The following PRTG variants were observed in gnomAD, a reference collection of about 807,000 sequenced individuals.
PRTG encodes the protein protogenin.
PRTG carries 67 observed loss-of-function variants against 122.5 expected under a neutral mutation model. The ratio of observed to expected loss-of-function variants is 0.55; its 90% CI spans 0.45 to 0.67. The LOEUF is 0.67. Ranked by LOEUF, PRTG falls within the 30% of genes least tolerant of loss-of-function variation. The pLI is 0.00. For synonymous variants in PRTG, 554 were observed against 501.1 expected (o/e 1.11, Z -1.41); for missense variants, 1,435 against 1,415.4 (o/e 1.01, Z -0.22).
At chr15:55,737,172 T>C (rs548894030) in intron 2 of PRTG, among the ~76,000 whole-genome samples, 1 of 152,310 alleles carries the variant, frequency 6.6e-6, no homozygotes, top group East Asian at 1.9e-4. Context: ...TTATAGGAAA[T>C]GGTTTAATCT....
rs541992748 is a variant in PRTG at position 55,674,137 on chromosome 15, T to C, written c.1547-461A>G. On this transcript the variant is annotated intron_variant, in intron 9 of 19. Coordinates refer to ENST00000389286, the MANE Select transcript of PRTG (RefSeq NM_173814.6). ...ATTTTGTATTCCTAATTACAACATA[T>C]GTTGTTTAATATAAAAACAGTTTTT... 5.9e-5 allele frequency among the ~76,000 whole-genome samples: 9 copies of C among 152,348 alleles called. 1 individual carries two copies. The highest frequency in any genetic ancestry group is 2.2e-4 in the African/African-American group (9 of 41,580).
chr15:55,742,952 T>C lies in PRTG; in HGVS notation c.-21A>G, dbSNP rs560677865. ...GCCATTCAGCGTAGCCGCGCGGGCATGCTCCCCGGCCGCCCAGAGCCCCTG... is the reference window on the plus strand; with the variant it reads ...GCCATTCAGCGTAGCCGCGCGGGCACGCTCCCCGGCCGCCCAGAGCCCCTG... On this transcript the variant is annotated 5_prime_UTR_variant, in exon 1 of 20. The change abolishes an upstream ATG in the 5' untranslated region. Coordinates refer to ENST00000389286, the MANE Select transcript of PRTG (RefSeq NM_173814.6). The C allele has an allele frequency of 4.0e-6, 6 of 1,497,492 alleles. No homozygotes were observed. The South Asian group carries it at 6.3e-5, about 16-fold the overall frequency. 92.8% of individuals were successfully genotyped at this position (1,497,492 alleles called of 1,614,324 possible).
chr15:55,648,379 T>A (rs968106829), intron 11 of PRTG, among the ~76,000 whole-genome samples: 3 of 152,248 alleles, frequency 2.0e-5, no homozygotes, highest in Non-Finnish European at 2.9e-5. Flanking sequence ...ACAACTTGCT[T>A]AATTCCATTC....
At position 55,639,842 on chromosome 15, in the gene PRTG, C is replaced by A. The variant is rs373384498; in HGVS notation, c.2138-14G>T. ...GATCACGAACAGCTATTGAGAAAAA[C>A]AATGTTAATTTACGATACGACATAA... On this transcript the variant is annotated splice_polypyrimidine_tract_variant and intron_variant, in intron 12 of 19. Transcript: ENST00000389286. 67 of 1,612,430 alleles carry A rather than the reference C, an allele frequency of 4.2e-5. No homozygotes were observed. Among genetic ancestry groups the A allele is most frequent in the Non-Finnish European group, 5.3e-5 (62 of 1,179,146 alleles).
rs2059424692 is a variant in PRTG, at chr15:55,664,118, T to C, written c.2041+8327A>G. Among the ~76,000 whole-genome samples the C allele has an allele frequency of 3.9e-5, 6 of 152,188 alleles. No individual in the cohort carries two copies. The South Asian group carries it at 1.2e-3, about 32-fold the overall frequency. On this transcript the variant is annotated intron_variant, in intron 11 of 19. Transcript: ENST00000389286. ...ATTTGTGTACAGTTTTTTTGTCTTG[T>C]TTTGTTTTGGCGGGGTGGGAGGTGT...
At chr15:55,674,922 C>A (rs764932559) in intron 9 of PRTG, among the ~76,000 whole-genome samples, 1 of 152,054 alleles carries the variant, frequency 6.6e-6, no homozygotes, top group Non-Finnish European at 1.5e-5. Context: ...ATAATCAGTT[C>A]TCTCGGGCTA....
At chr15:55,697,436 A>G (rs1405817781) in intron 2 of PRTG, among the ~76,000 whole-genome samples, 2 of 152,212 alleles carry the variant, frequency 1.3e-5, no homozygotes, top group Admixed American at 1.3e-4. Context: ...TTTGCCTCTT[A>G]TCTCCCTCAG....
At position 55,682,544 on chromosome 15, in the gene PRTG, TTTTA is replaced by T. The variant is rs56167837; in HGVS notation, c.543-51_543-48del. 269 of 479,264 alleles carry T rather than the reference TTTTA, an allele frequency of 5.6e-4. 1 individual carries two copies. Among genetic ancestry groups the T allele is most frequent in the East Asian group, 3.2e-3 (67 of 21,128 alleles). 29.7% of individuals were successfully genotyped at this position (479,264 alleles called of 1,614,324 possible). ...TAAACTTTTTGTAGTAGATTTCATA[TTTTA>T]TTTATTTATTTATTTATTTATTTAT... On this transcript the variant is annotated intron_variant, in intron 3 of 19. Transcript: ENST00000389286.
chr15:55,693,667 T>C (rs1469801310), intron 2 of PRTG, among the ~76,000 whole-genome samples: 1 of 152,184 alleles, frequency 6.6e-6, no homozygotes, highest in African/African-American at 2.4e-5. Context: ...CTGGAGATGT[T>C]ACTCAATCTC....
chr15:55,679,041 CT>C (rs2059521080), intron 7 of PRTG, among the ~76,000 whole-genome samples: 1 of 152,156 alleles, frequency 6.6e-6, no homozygotes, highest in Admixed American at 6.5e-5. Context: ...GTTTGGGGAA[CT>C]GTGTAACATG....
In PRTG at chr15:55,620,310, C is replaced by A; in HGVS notation, c.3199-44G>T. Reference sequence around the variant, plus strand: ...GATGGCAATGAGATACCAGACTGATCGAATCCACGAGCAAAAGCTCATCAG... The same window carrying A: ...GATGGCAATGAGATACCAGACTGATAGAATCCACGAGCAAAAGCTCATCAG... On this transcript the variant is annotated intron_variant, in intron 19 of 19. Coordinates refer to ENST00000389286, the MANE Select transcript of PRTG (RefSeq NM_173814.6). The A allele has an allele frequency of 3.1e-6, 5 of 1,594,630 alleles. No individual in the cohort carries two copies. In the South Asian group the frequency reaches 4.6e-5, roughly 15 times the overall value.
intron 11 of PRTG, chr15:55,656,447 A>G (rs2059380704): frequency 3.8e-5 from 16 of 426,132 alleles, no homozygotes; most frequent in South Asian, 7.0e-5. Context: ...ATAATCTATA[A>G]TCTGTTAGGT....
At chr15:55,735,323 T>C (rs1276067237) in intron 2 of PRTG, among the ~76,000 whole-genome samples, 3 of 152,176 alleles carry the variant, frequency 2.0e-5, no homozygotes, top group Admixed American at 6.5e-5. Flanking sequence ...TCATGAGAGA[T>C]AAAAATCATC....
chr15:55,738,512 A>T lies in PRTG; in HGVS notation c.397+1870T>A, dbSNP rs1344649899. The T allele has an allele frequency of 1.4e-5, 10 of 701,392 alleles. No homozygotes were observed. In the African/African-American group the frequency reaches 1.6e-4, roughly 11 times the overall value. The allele number at this position is 701,392 out of a possible 1,614,324, so 43.4% of individuals were successfully genotyped here. On this transcript the variant is annotated intron_variant, in intron 2 of 19. Coordinates refer to ENST00000389286, the MANE Select transcript of PRTG (RefSeq NM_173814.6). ...GTACTCCCTATCCCTGAAAGATAAGATAAGTTACAGTTCCTGAAGATGAAA... is the reference window on the plus strand; with the variant it reads ...GTACTCCCTATCCCTGAAAGATAAGTTAAGTTACAGTTCCTGAAGATGAAA...
chr15:55,647,723 CTT>C (rs1204242942), intron 11 of PRTG, among the ~76,000 whole-genome samples: 1 of 152,194 alleles, frequency 6.6e-6, no homozygotes. Context: ...ATATGGCAAA[CTT>C]AACACATTTT....
chr15:55,683,999 T>G lies in PRTG; in HGVS notation c.398-68A>C, dbSNP rs2059556488. 10 of 1,309,076 alleles carry G rather than the reference T, an allele frequency of 7.6e-6. No individual in the cohort carries two copies. The South Asian group carries it at 1.2e-4, about 16-fold the overall frequency. The allele number at this position is 1,309,076 out of a possible 1,614,324, so 81.1% of individuals were successfully genotyped here. ...ATAACACTTAGAAGTAACATTACAC[T>G]AGATATTACTTATTGGACTTGAACC... On this transcript the variant is annotated intron_variant, in intron 2 of 19. Transcript: ENST00000389286.
At chr15:55,680,355 C>T (rs149036553) in intron 5 of PRTG, 136 bp downstream of exon 5, 54 of 1,171,880 alleles carry the variant, frequency 4.6e-5, no homozygotes, top group South Asian at 7.7e-5. Context: ...TCTCTACTCA[C>T]TGAAATGCCA....
chr15:55,649,342 T>C (rs1427486221), intron 11 of PRTG, among the ~76,000 whole-genome samples: 1 of 152,128 alleles, frequency 6.6e-6, no homozygotes, highest in Admixed American at 6.6e-5. Context: ...TCTCTGTACC[T>C]TGGTTACAAT....
rs923744673 is a variant in PRTG at position 55,614,776 on chromosome 15, T to G, written c.*5236A>C. 2.6e-5 allele frequency: 4 copies of G among 152,128 alleles called. No homozygotes were observed. The highest frequency in any genetic ancestry group is 9.6e-5 in the African/African-American group (4 of 41,456). 9.4% of individuals were successfully genotyped at this position (152,128 alleles called of 1,614,324 possible). A position where few individuals can be genotyped will look rare whatever the true frequency, so the allele number is the denominator to read the frequency against. ...TCAAAGTTTTCATGCTTTTAATCTT[T>G]AAAGATCCCCAAGGGGCACATGACC... On this transcript the variant is annotated 3_prime_UTR_variant, in exon 20 of 20. Transcript: ENST00000389286.
Sources: gnomAD v4.1 joint callset for allele counts (sites outside exome capture counted in the v4.1 genomes callset) on GRCh38, gnomAD v4.1.1 for gene constraint, MANE v1.5 for transcripts, NCBI Gene and HGNC (gene_info 2026-07-23, HGNC 2026-07-21) for gene names.